Variants in SMARCD1 observed in about 807,000 individuals in gnomAD.
SMARCD1 encodes the protein SWI/SNF-related matrix-associated actin-dependent regulator of chromatin subfamily D member 1.
Under a neutral mutation model 70.8 loss-of-function variants are expected in SMARCD1, and 16 were observed. The observed-to-expected ratio is 0.23, with a 90% CI of 0.15 to 0.34. The LOEUF (loss-of-function observed/expected upper bound fraction) is 0.34, where lower values mean the gene tolerates loss of function less well. Ranked by LOEUF, SMARCD1 falls within the 10% of genes least tolerant of loss-of-function variation. The pLI is 1.00. For missense variants in SMARCD1, 409 were observed against 655.5 expected, an observed-to-expected ratio of 0.62 and a Z score of 4.11; for synonymous variants, 249 against 246.0, an observed-to-expected ratio of 1.01 and a Z score of -0.11.
chr12:50,088,122 C>A (rs1950808389), intron 5 of SMARCD1: 4 of 625,566 alleles, frequency 6.4e-6, no homozygotes, highest in Non-Finnish European at 1.2e-5. Flanking sequence ...TAGGTCCGGT[C>A]CATCTGCTGG....
chr12:50,085,378 C>G lies in SMARCD1; in HGVS notation c.9C>G (p.Ala3=), dbSNP rs1284953622. The G allele has an allele frequency of 2.4e-6, 3 of 1,263,982 alleles. No individual in the cohort carries two copies. Among genetic ancestry groups the G allele is most frequent in the Non-Finnish European group, 9.9e-7 (1 of 1,006,992 alleles). The allele number at this position is 1,263,982 out of a possible 1,614,324, so 78.3% of individuals were successfully genotyped here. A position where few individuals can be genotyped will look rare whatever the true frequency, so the allele number is the denominator to read the frequency against. MA[A]RAGFQSVAPS... is the part of the protein sequence containing the mutation. The stretch of plus-strand genomic sequence containing the variant: ...TCGGCGGCTCCGGGAAGATGGCGGC[C>G]CGGGCGGGTTTCCAGTCTGTGGCTC... The change falls in exon 1 of 13, where the codon GCC becomes GCG. Residue 3 remains alanine, a synonymous_variant. Coordinates refer to ENST00000394963, the MANE Select transcript of SMARCD1 (RefSeq NM_003076.5).
intron 2 of SMARCD1, 136 bp downstream of exon 2, chr12:50,086,484 G>GGTGGTAGTGGTGGTGTGGTC: frequency 9.8e-7 from 1 of 1,019,610 alleles, no homozygotes; most frequent in South Asian, 1.5e-5. Context: ...AATGCTTGGT[G>GGTGGTAGTGGTGGTGTGGTC]GTGGTGGTGG....
Position 50,085,552 on chromosome 12 carries a change from TG to T in SMARCD1, c.177+10del. 1 of 1,072,462 alleles carries T rather than the reference TG, an allele frequency of 9.3e-7. No individual in the cohort carries two copies. 66.4% of individuals were successfully genotyped at this position (1,072,462 alleles called of 1,614,324 possible). ...TGCCCGGAGCGGCCTATCCGGTGAGTGGGGCAGGAGGAGGGGCGCGCGGGCC... is the reference window on the plus strand; with the variant it reads ...TGCCCGGAGCGGCCTATCCGGTGAGTGGGCAGGAGGAGGGGCGCGCGGGCC... On this transcript the variant is annotated splice_region_variant and intron_variant, in intron 1 of 12. Transcript: ENST00000394963.
chr12:50,100,405 C>A lies in SMARCD1; in HGVS notation c.*1405C>A, dbSNP rs950169055. ...ACACTGGGGACAGCAGAATTTTCTC[C>A]CCGTCTTCCCCTTCCTGCCATTTTC... On this transcript the variant is annotated 3_prime_UTR_variant, in exon 13 of 13. Transcript: ENST00000394963. 5 of 152,142 alleles carry A rather than the reference C, an allele frequency of 3.3e-5. No individual in the cohort carries two copies. Among genetic ancestry groups the A allele is most frequent in the Non-Finnish European group, 5.9e-5 (4 of 67,946 alleles). 9.4% of individuals were successfully genotyped at this position (152,142 alleles called of 1,614,324 possible).
chr12:50,092,280 G>T (rs1321082969), intron 9 of SMARCD1, among the ~76,000 whole-genome samples: 1 of 104,990 alleles, frequency 9.5e-6, no homozygotes, highest in African/African-American at 3.8e-5. Flanking sequence ...ATCTCACTCT[G>T]TTGCACAATC....
chr12:50,093,678 G>T (rs891073857), intron 9 of SMARCD1, among the ~76,000 whole-genome samples: 1 of 151,894 alleles, frequency 6.6e-6, no homozygotes, highest in African/African-American at 2.4e-5. Flanking sequence ...AGAAACTGGG[G>T]TCTGTGTGGT....
chr12:50,098,111 T>C (rs1950909072), intron 11 of SMARCD1, among the ~76,000 whole-genome samples: 1 of 152,090 alleles, frequency 6.6e-6, no homozygotes, highest in Non-Finnish European at 1.5e-5. Flanking sequence ...CTGTGCTGAC[T>C]GTGACGAGTT....
intron 8 of SMARCD1, 42 bp downstream of exon 8, chr12:50,090,444 A>G (rs767356081): frequency 1.9e-6 from 3 of 1,613,196 alleles, no homozygotes; most frequent in Non-Finnish European, 1.7e-6. Context: ...CCATTAGAAC[A>G]CTAGTTATGC....
At chr12:50,086,479 T>TTGGTGGTGGTAGTAGTGGTGGTGG in intron 2 of SMARCD1, 131 bp downstream of exon 2, 2 of 780,056 alleles carry the variant, frequency 2.6e-6, no homozygotes, top group Non-Finnish European at 4.1e-6. Flanking sequence ...TTGAGAATGC[T>TTGGTGGTGGTAGTAGTGGTGGTGG]TGGTGGTGGT....
chr12:50,087,644 T>C (rs1001478211), intron 5 of SMARCD1, among the ~76,000 whole-genome samples, 159 bp downstream of exon 5: 1 of 152,174 alleles, frequency 6.6e-6, no homozygotes, highest in African/African-American at 2.4e-5. Flanking sequence ...AGTGGTCCTT[T>C]GTGTTTGCCC....
rs2137913280 is a variant in SMARCD1 at position 50,100,579 on chromosome 12, C to T, written c.*1579C>T. On this transcript the variant is annotated 3_prime_UTR_variant, in exon 13 of 13. Coordinates refer to ENST00000394963, the MANE Select transcript of SMARCD1 (RefSeq NM_003076.5). ...TAACTGAATTGTTTTTTTCATGGACCAAACTTTTTTTTGTACTGTCCCCTT... is the reference window on the plus strand; with the variant it reads ...TAACTGAATTGTTTTTTTCATGGACTAAACTTTTTTTTGTACTGTCCCCTT... 6.6e-6 allele frequency: 1 copy of T among 152,604 alleles called. No individual in the cohort carries two copies. Among genetic ancestry groups the T allele is most frequent in the Non-Finnish European group, 1.5e-5 (1 of 67,992 alleles). 9.5% of individuals were successfully genotyped at this position (152,604 alleles called of 1,614,324 possible). A position where few individuals can be genotyped will look rare whatever the true frequency, so the allele number is the denominator to read the frequency against.
At chr12:50,098,101 C>T (rs1018838311) in intron 11 of SMARCD1, among the ~76,000 whole-genome samples, 4 of 152,198 alleles carry the variant, frequency 2.6e-5, no homozygotes, top group East Asian at 1.9e-4. Context: ...GTCACCCCTC[C>T]TGTGCTGACT....
intron 10 of SMARCD1, 22 bp downstream of exon 10, chr12:50,094,594 A>G: frequency 6.2e-7 from 1 of 1,609,634 alleles, no homozygotes. Flanking sequence ...TGCCCTGGAT[A>G]GTTGGGTACC....
Position 50,085,380 on chromosome 12 carries a change from G to A in SMARCD1, c.11G>A (p.Arg4Gln), listed in dbSNP as rs1950775831. MAA[R>Q]AGFQSVAPSG... ...GGCGGCTCCGGGAAGATGGCGGCCC[G>A]GGCGGGTTTCCAGTCTGTGGCTCCA... The change falls in exon 1 of 13, where the codon CGG becomes CAG. Residue 4 changes from arginine (R) to glutamine (Q), a missense_variant. Coordinates refer to ENST00000394963, the MANE Select transcript of SMARCD1 (RefSeq NM_003076.5). 7.9e-7 allele frequency: 1 copy of A among 1,264,260 alleles called. No individual in the cohort carries two copies. The highest frequency in any genetic ancestry group is 1.5e-5 in the African/African-American group (1 of 65,348). 78.3% of individuals were successfully genotyped at this position (1,264,260 alleles called of 1,614,324 possible).
At position 50,085,397 on chromosome 12, in the gene SMARCD1, G is replaced by A. The variant is rs1403677677; in HGVS notation, c.28G>A (p.Val10Met). 1 of 1,261,386 alleles carries A rather than the reference G, an allele frequency of 7.9e-7. No homozygotes were observed. The highest frequency in any genetic ancestry group is 9.9e-7 in the Non-Finnish European group (1 of 1,005,510). 78.1% of individuals were successfully genotyped at this position (1,261,386 alleles called of 1,614,324 possible). MAARAGFQS[V>M]APSGGAGASG... ...GGCGGCCCGGGCGGGTTTCCAGTCT[G>A]TGGCTCCAAGCGGCGGCGCCGGAGC... Residue 10 changes from valine (V) to methionine (M), a missense_variant, in exon 1 of 13, where the codon GTG (valine) becomes ATG (methionine). Transcript: ENST00000394963.
intron 6 of SMARCD1, 135 bp downstream of exon 6, chr12:50,088,772 A>C: frequency 2.2e-6 from 1 of 465,010 alleles, no homozygotes; most frequent in Non-Finnish European, 3.9e-6. Context: ...CCAGGTGTAC[A>C]GTTTGCACAT....
At chr12:50,088,265 T>C in intron 5 of SMARCD1, 1 of 702,576 alleles carries the variant, frequency 1.4e-6, no homozygotes, top group Non-Finnish European at 2.6e-6. Context: ...TTAACTTGCC[T>C]CATTTCCCTT....
intron 8 of SMARCD1, 29 bp from the exon 9 acceptor site, chr12:50,090,464 T>A: frequency 6.2e-7 from 1 of 1,613,296 alleles, no homozygotes; most frequent in Non-Finnish European, 8.5e-7. Flanking sequence ...CTCAAACTGC[T>A]AACCTCGTGC....
At position 50,100,558 on chromosome 12, in the gene SMARCD1, T is replaced by G. The variant is rs1253214778; in HGVS notation, c.*1558T>G. The G allele has an allele frequency of 6.6e-6, 1 of 152,650 alleles. No homozygotes were observed. Among genetic ancestry groups the G allele is most frequent in the Admixed American group, 6.5e-5 (1 of 15,282 alleles). 9.5% of individuals were successfully genotyped at this position (152,650 alleles called of 1,614,324 possible). ...CCTGTTGATAACTGTTTTTATTAAC[T>G]GAATTGTTTTTTTCATGGACCAAAC... is the stretch of plus-strand genomic sequence containing the variant. On this transcript the variant is annotated 3_prime_UTR_variant, in exon 13 of 13. Coordinates refer to ENST00000394963, the MANE Select transcript of SMARCD1 (RefSeq NM_003076.5).
Sources: gnomAD v4.1 joint callset for allele counts (sites outside exome capture counted in the v4.1 genomes callset) on GRCh38, gnomAD v4.1.1 for gene constraint, MANE v1.5 for transcripts, NCBI Gene and HGNC (gene_info 2026-07-23, HGNC 2026-07-21) for gene names.